SERPINB6: variants seen among roughly 807,000 people sequenced by gnomAD.
SERPINB6 encodes serpin B6.
In SERPINB6, 16 loss-of-function variants were observed where a neutral mutation model predicts 26.1. The observed-to-expected ratio is 0.61, with a 90% CI of 0.42 to 0.93. SERPINB6 has a LOEUF of 0.93. Ranked by LOEUF, SERPINB6 falls within the 40% of genes least tolerant of loss-of-function variation. SERPINB6 has a pLI of 0.00. For missense variants in SERPINB6, 420 were observed against 478.0 expected (o/e 0.88, Z 1.13); for synonymous variants, 174 against 176.6 (o/e 0.99, Z 0.11).
intron 1 of SERPINB6, chr6:2,962,287 CT>C (rs754244449): frequency 2.3e-5 from 20 of 868,704 alleles, no homozygotes; most frequent in Non-Finnish European, 2.8e-5. Flanking sequence ...AAATACTGAA[CT>C]GGAGAAACCA....
intron 5 of SERPINB6, among the ~76,000 whole-genome samples, chr6:2,951,318 G>A (rs749514369): frequency 2.0e-5 from 3 of 151,692 alleles, no homozygotes; most frequent in Non-Finnish European, 2.9e-5. Context: ...CCCGGGAGGC[G>A]GAGGCTGCAG....
chr6:2,949,407 A>G (rs1207666146), intron 5 of SERPINB6, among the ~76,000 whole-genome samples: 1 of 152,236 alleles, frequency 6.6e-6, no homozygotes, highest in Non-Finnish European at 1.5e-5. Context: ...ATGTTTGGAC[A>G]TAAAAGAAAC....
In SERPINB6 at chr6:2,959,665, C is replaced by T. The variant is rs1188138734; in HGVS notation, c.-10-323G>A. On this transcript the variant is annotated intron_variant, in intron 1 of 6. Transcript: ENST00000380539. ...CCTTGGGGTGGAATTACAGAAGGGG[C>T]ACTGGCTTTTGCTTCTATGTTTGTA... is the stretch of plus-strand genomic sequence containing the variant. 1.0e-5 allele frequency: 4 copies of T among 400,042 alleles called. No individual in the cohort carries two copies. In the East Asian group the frequency reaches 1.7e-4, roughly 17 times the overall value. 24.8% of individuals were successfully genotyped at this position (400,042 alleles called of 1,614,324 possible).
intron 1 of SERPINB6, chr6:2,966,975 C>T (rs1771700748): frequency 1.0e-6 from 1 of 985,476 alleles, no homozygotes; most frequent in Non-Finnish European, 1.2e-6. Flanking sequence ...ATGTAAGGCA[C>T]TTGCTGATTT....
chr6:2,966,483 G>A (rs1044526756), intron 1 of SERPINB6: 6 of 854,704 alleles, frequency 7.0e-6, no homozygotes, highest in Admixed American at 6.2e-5. Context: ...GCAGGTGAGC[G>A]AACATCACCG....
At chr6:2,949,843 G>A (rs1769579313) in intron 5 of SERPINB6, among the ~76,000 whole-genome samples, 1 of 152,142 alleles carries the variant, frequency 6.6e-6, no homozygotes, top group South Asian at 2.1e-4. Context: ...CTCGTCCCCA[G>A]TTCCCTCTCC....
intron 1 of SERPINB6, chr6:2,969,570 C>G (rs756067428): frequency 7.1e-6 from 7 of 985,210 alleles, no homozygotes; most frequent in Non-Finnish European, 8.4e-6. Flanking sequence ...GTAGCATCAC[C>G]AGTAACTGAG....
At chr6:2,968,558 C>G in intron 1 of SERPINB6, 1 of 1,191,708 alleles carries the variant, frequency 8.4e-7, no homozygotes, top group Non-Finnish European at 1.0e-6. Flanking sequence ...TTCCATTTTG[C>G]CTTCTATACT....
rs1046922916 is a variant in SERPINB6 at position 2,971,280 on chromosome 6, G to A, written c.-11+253C>T. On this transcript the variant is annotated intron_variant, in intron 1 of 6. Coordinates refer to ENST00000380539, the MANE Select transcript of SERPINB6 (RefSeq NM_004568.6). ...CGTCGCCGTTCTCTGCCGCTGCGAG[G>A]CTCCGGAAGGGAACCCAAGCCGGAC... The A allele has an allele frequency of 3.5e-4, 256 of 726,208 alleles. No individual in the cohort carries two copies. The African/African-American group carries it at 4.6e-3, about 13-fold the overall frequency. 45.0% of individuals were successfully genotyped at this position (726,208 alleles called of 1,614,324 possible). A position where few individuals can be genotyped will look rare whatever the true frequency, so the allele number is the denominator to read the frequency against.
chr6:2,952,522 A>C (rs1337501332), intron 5 of SERPINB6, among the ~76,000 whole-genome samples: 1 of 152,258 alleles, frequency 6.6e-6, no homozygotes, highest in Non-Finnish European at 1.5e-5. Flanking sequence ...TGGTTGTTTT[A>C]AAACAAAAAT....
intron 3 of SERPINB6, chr6:2,955,143 T>C (rs1459584736): frequency 1.5e-5 from 4 of 275,732 alleles, no homozygotes; most frequent in African/African-American, 9.7e-5. Flanking sequence ...TAAGCCGAGA[T>C]CAGGCCACCA....
intron 1 of SERPINB6, chr6:2,962,106 ATC>A: frequency 5.1e-6 from 5 of 985,438 alleles, no homozygotes; most frequent in Non-Finnish European, 6.0e-6. Flanking sequence ...ATCCCGGAGA[ATC>A]TGTTTCAGGC....
chr6:2,950,939 T>C (rs886164361), intron 5 of SERPINB6, among the ~76,000 whole-genome samples: 1 of 152,248 alleles, frequency 6.6e-6, no homozygotes, highest in African/African-American at 2.4e-5. Flanking sequence ...TAGAGCAGTC[T>C]CCTGGGCCTC....
Position 2,949,078 on chromosome 6 carries a change from A to G in SERPINB6, c.574-9T>C, listed in dbSNP as rs368103714. ...ACAGGTTTCTCCTCATTCTACAAAGAAAACAGATAAACATCAAGTTGAAAC... is the reference window on the plus strand; with the variant it reads ...ACAGGTTTCTCCTCATTCTACAAAGGAAACAGATAAACATCAAGTTGAAAC... On this transcript the variant is annotated splice_polypyrimidine_tract_variant and intron_variant, in intron 5 of 6. Coordinates refer to ENST00000380539, the MANE Select transcript of SERPINB6 (RefSeq NM_004568.6). The G allele has an allele frequency of 3.7e-6, 6 of 1,613,806 alleles. No individual in the cohort carries two copies. In the South Asian group the frequency reaches 6.6e-5, roughly 18 times the overall value.
chr6:2,957,747 C>T (rs1770655283), intron 2 of SERPINB6: 2 of 152,448 alleles, frequency 1.3e-5, no homozygotes, highest in South Asian at 4.1e-4. Flanking sequence ...CCACGTTCTA[C>T]AGGTGGGAGG....
chr6:2,968,365 C>G, intron 1 of SERPINB6: 1 of 453,970 alleles, frequency 2.2e-6, no homozygotes, highest in Non-Finnish European at 2.9e-6. Context: ...GGCTTAGTAC[C>G]TGGGGGATGA....
intron 1 of SERPINB6, chr6:2,970,724 CAAAAAAAAAAAA>C (rs70995402): frequency 1.2e-6 from 1 of 811,654 alleles, no homozygotes; most frequent in African/African-American, 2.3e-5. Flanking sequence ...ATCTTTAGGA[CAAAAAAAAAAAA>C]AAAAAAAAGG....
intron 3 of SERPINB6, 21 bp from the exon 4 acceptor site, chr6:2,954,730 TAA>T: frequency 6.4e-7 from 1 of 1,553,456 alleles, no homozygotes; most frequent in East Asian, 2.2e-5. Context: ...CAGAGTGACA[TAA>T]CTGCCTGGCT....
intron 1 of SERPINB6, chr6:2,970,636 G>GC: frequency 8.2e-7 from 1 of 1,213,546 alleles, no homozygotes. Flanking sequence ...GGACTCAGAT[G>GC]CCCCCTCGCA....
Sources: allele counts gnomAD v4.1 joint callset (sites outside exome capture counted in the v4.1 genomes callset), GRCh38; gene constraint gnomAD v4.1.1; transcripts MANE v1.5; gene names NCBI Gene and HGNC (gene_info 2026-07-23, HGNC 2026-07-21).